PDE3A: variants seen among roughly 807,000 people sequenced by gnomAD.
PDE3A encodes cGMP-inhibited 3',5'-cyclic phosphodiesterase 3A.
Under a neutral mutation model 98.3 loss-of-function variants are expected in PDE3A, and 43 were observed. The ratio of observed to expected loss-of-function variants is 0.44; its 90% CI spans 0.34 to 0.56. The LOEUF (loss-of-function observed/expected upper bound fraction) is 0.56. Among genes scored for constraint, PDE3A ranks in the 20% least tolerant of loss-of-function variants. The pLI is 0.01. For missense variants in PDE3A, 1,427 were observed against 1,440.7 expected (o/e 0.99, Z 0.15); for synonymous variants, 663 against 567.9 (o/e 1.17, Z -2.38).
rs1945240421 is a variant in PDE3A, at chr12:20,461,094, G to A, written c.960+90850G>A. Among the ~76,000 whole-genome samples the A allele has an allele frequency of 1.3e-5, 2 of 151,886 alleles. 1 individual carries two copies. Among genetic ancestry groups the A allele is most frequent in the South Asian group, 4.1e-4 (2 of 4,822 alleles). On this transcript the variant is annotated intron_variant, in intron 1 of 15. Coordinates refer to ENST00000359062, the MANE Select transcript of PDE3A (RefSeq NM_000921.5). ...TATTAAGTGTTTTGCTAAATTATTT[G>A]CCTTTCATTTCTACTCTAATGTTAC...
Position 20,686,857 on chromosome 12 carries a change from G to A in PDE3A, c.*6586G>A, listed in dbSNP as rs1945977998. ...ATGGTACTAAGAAGCAAAAAATGCA[G>A]AGCTGTGGATTGGGAGTGAACACTA... On this transcript the variant is annotated 3_prime_UTR_variant, in exon 16 of 16. Transcript: ENST00000359062. Among the ~76,000 whole-genome samples, 1 of 152,114 alleles carries A rather than the reference G, an allele frequency of 6.6e-6. No individual in the cohort carries two copies. Among genetic ancestry groups the A allele is most frequent in the South Asian group, 2.1e-4 (1 of 4,832 alleles).
At chr12:20,621,453 G>C (rs752257419) in intron 5 of PDE3A, 42 bp downstream of exon 5, 1 of 1,008,958 alleles carries the variant, frequency 9.9e-7, no homozygotes, top group Non-Finnish European at 1.6e-6. Flanking sequence ...TGTGAGTGTG[G>C]AGTTCTAGAG....
At chr12:20,431,594 A>AAC (rs35221225) in intron 1 of PDE3A, among the ~76,000 whole-genome samples, 37,445 of 146,640 alleles carry the variant, frequency 0.26, 5,397 homozygotes, top group East Asian at 0.66. Context: ...TAGTCAGGAA[A>AAC]ACACACACAC....
intron 1 of PDE3A, among the ~76,000 whole-genome samples, chr12:20,520,027 C>T (rs1184818503): frequency 1.3e-5 from 2 of 152,114 alleles, no homozygotes; most frequent in Non-Finnish European, 2.9e-5. Context: ...AAGGTGACAT[C>T]GCTATTCAGT....
At chr12:20,425,130 T>C (rs1944582284) in intron 1 of PDE3A, among the ~76,000 whole-genome samples, 1 of 152,170 alleles carries the variant, frequency 6.6e-6, no homozygotes, top group African/African-American at 2.4e-5. Context: ...AAAATATCCA[T>C]TTAGAGTGTT....
chr12:20,379,841 C>T (rs761237054), intron 1 of PDE3A, among the ~76,000 whole-genome samples: 1 of 151,330 alleles, frequency 6.6e-6, no homozygotes, highest in Non-Finnish European at 1.5e-5. Context: ...TTGCATTTGC[C>T]TGTGCCCTTA....
chr12:20,657,505 T>C (rs572927656), intron 15 of PDE3A, among the ~76,000 whole-genome samples: 1 of 152,332 alleles, frequency 6.6e-6, no homozygotes, highest in South Asian at 2.1e-4. Context: ...CAATATGGTA[T>C]CCTAGGAAAA....
chr12:20,562,719 T>C (rs1209875819), intron 2 of PDE3A, among the ~76,000 whole-genome samples: 1 of 152,166 alleles, frequency 6.6e-6, no homozygotes, highest in Admixed American at 6.6e-5. Flanking sequence ...AGTTTTTAGT[T>C]ATTTAGTATA....
chr12:20,423,162 C>T (rs2120765358), intron 1 of PDE3A, among the ~76,000 whole-genome samples: 1 of 152,148 alleles, frequency 6.6e-6, no homozygotes, highest in Non-Finnish European at 1.5e-5. Context: ...ATGAAGAATA[C>T]CTATTTATAA....
At chr12:20,620,915 C>T (rs1565452458) in intron 4 of PDE3A, among the ~76,000 whole-genome samples, 3 of 151,932 alleles carry the variant, frequency 2.0e-5, no homozygotes. Flanking sequence ...AACATTATGA[C>T]ACTTACAGCT....
chr12:20,643,974 C>A (rs1156441141), intron 10 of PDE3A, among the ~76,000 whole-genome samples: 1 of 152,134 alleles, frequency 6.6e-6, no homozygotes, highest in Non-Finnish European at 1.5e-5. Context: ...TTACCCCAAA[C>A]AGGCTCTGCC....
At chr12:20,505,914 G>A (rs964219698) in intron 1 of PDE3A, among the ~76,000 whole-genome samples, 2 of 151,984 alleles carry the variant, frequency 1.3e-5, no homozygotes, top group Admixed American at 6.6e-5. Context: ...AAGGTGATAA[G>A]GCGCCAAGTC....
intron 2 of PDE3A, among the ~76,000 whole-genome samples, chr12:20,561,664 A>G (rs1337609220): frequency 6.6e-6 from 1 of 152,110 alleles, no homozygotes; most frequent in African/African-American, 2.4e-5. Flanking sequence ...GCTAGGATAG[A>G]GTTAAGCTTC....
chr12:20,594,531 G>GA (rs1943418777), intron 2 of PDE3A, among the ~76,000 whole-genome samples: 1 of 146,238 alleles, frequency 6.8e-6, no homozygotes, highest in East Asian at 2.0e-4. Flanking sequence ...CTAATTAGGG[G>GA]CTTTTTTTTT....
At position 20,663,727 on chromosome 12, in the gene PDE3A, G is replaced by A. The variant is rs574803455; in HGVS notation, c.3184+9522G>A. On this transcript the variant is annotated intron_variant, in intron 15 of 15. Transcript: ENST00000359062. ...AACTAACTTGCTTTTGATTTTGCAG[G>A]TTTATAGGCAGAAAGGACTTGCCTT... Among the ~76,000 whole-genome samples, 10 of 152,296 alleles carry A rather than the reference G, an allele frequency of 6.6e-5. No homozygotes were observed. In the East Asian group the frequency reaches 1.7e-3, roughly 26 times the overall value.
rs138337416 is a variant in PDE3A, at chr12:20,683,149, G to C, written c.*2878G>C. 4.9e-4 allele frequency: 74 copies of C among 152,198 alleles called. No individual in the cohort carries two copies. Among genetic ancestry groups the C allele is most frequent in the African/African-American group, 1.7e-3 (72 of 41,526 alleles). 9.4% of individuals were successfully genotyped at this position (152,198 alleles called of 1,614,324 possible). On this transcript the variant is annotated 3_prime_UTR_variant, in exon 16 of 16. Coordinates refer to ENST00000359062, the MANE Select transcript of PDE3A (RefSeq NM_000921.5). The stretch of plus-strand genomic sequence containing the variant: ...TAGACGTCAATTGGGATAAATAAAG[G>C]GATGAAGATCCACTAAGTTTGTGAC...
At chr12:20,471,454 C>A (rs967711051) in intron 1 of PDE3A, among the ~76,000 whole-genome samples, 1 of 152,136 alleles carries the variant, frequency 6.6e-6, no homozygotes, top group African/African-American at 2.4e-5. Context: ...CTGAATTTAT[C>A]CCTTTTCCTC....
chr12:20,488,124 AC>A lies in PDE3A; in HGVS notation c.961-68535del, dbSNP rs1945763016. The stretch of plus-strand genomic sequence containing the variant: ...AAAATACCCTTTCCTTGAGCTCTTT[AC>A]TCTTGGGGGGCAAGAGGGGCACTAT... On this transcript the variant is annotated intron_variant, in intron 1 of 15. Coordinates refer to ENST00000359062, the MANE Select transcript of PDE3A (RefSeq NM_000921.5). 5.3e-5 allele frequency among the ~76,000 whole-genome samples: 8 copies of A among 151,988 alleles called. No homozygotes were observed. In the South Asian group the frequency reaches 1.7e-3, roughly 32 times the overall value.
chr12:20,391,389 A>ATG (rs1565534434), intron 1 of PDE3A, among the ~76,000 whole-genome samples: 3 of 92,424 alleles, frequency 3.2e-5, no homozygotes, highest in African/African-American at 1.6e-4. Flanking sequence ...ATATATATAT[A>ATG]CACACACACA....
Sources: gnomAD v4.1 joint callset for allele counts (sites outside exome capture counted in the v4.1 genomes callset) on GRCh38, gnomAD v4.1.1 for gene constraint, MANE v1.5 for transcripts, NCBI Gene and HGNC (gene_info 2026-07-23, HGNC 2026-07-21) for gene names.